The following FANCA variants were observed in gnomAD, a reference collection of about 807,000 sequenced individuals.
The protein encoded by FANCA is Fanconi anemia group A protein.
A neutral mutation model predicts 194.3 loss-of-function variants in FANCA; 236 were observed. The observed-to-expected ratio is 1.21, with a 90% CI of 1.09 to 1.35. The LOEUF (loss-of-function observed/expected upper bound fraction) is 1.35, where lower values mean the gene tolerates loss of function less well. FANCA is among the 40% of genes most tolerant of loss of function. FANCA has a pLI of 0.00. For missense variants in FANCA, 2,628 were observed against 1,813.9 expected (o/e 1.45, Z -8.15); for synonymous variants, 1,014 against 715.8 (o/e 1.42, Z -6.65).
At chr16:89,814,695 T>A (rs768804787) in intron 2 of FANCA, 82 bp from the exon 3 acceptor site, 3 of 1,005,182 alleles carry the variant, frequency 3.0e-6, no homozygotes, top group Non-Finnish European at 4.7e-6. Context: ...GTAATCCCAG[T>A]ACTTTGGGAG....
rs747475688 is a variant in FANCA at position 89,738,828 on chromosome 16, A to G, written c.4260+54T>C. 1.1e-5 allele frequency: 18 copies of G among 1,614,024 alleles called. No individual in the cohort carries two copies. The African/African-American group carries it at 1.2e-4, about 11-fold the overall frequency. On this transcript the variant is annotated intron_variant, in intron 42 of 42. Coordinates refer to ENST00000389301, the MANE Select transcript of FANCA (RefSeq NM_000135.4). ...AGCCAGGCAGGCACATGGCCCAGGC[A>G]GCTGTCAATTCTCATGTCCCCCACA...
intron 27 of FANCA, among the ~76,000 whole-genome samples, chr16:89,765,861 T>A (rs961095938): frequency 6.6e-6 from 1 of 152,214 alleles, no homozygotes; most frequent in Non-Finnish European, 1.5e-5. Context: ...TAACTGGAAA[T>A]ACGTGCACCC....
rs2143087262 is a variant in FANCA at position 89,744,985 on chromosome 16, T to C, written c.3600A>G (p.Leu1200=). ...QSPLPRELQK[L]QEGRQFASDF... is the part of the protein sequence containing the mutation. Reference sequence around the variant, plus strand: ...CGCTGGCAAACTGCCGGCCTTCTTGTAGCTTCTGCAGTTCCCGGGGCAGCG... The same window carrying C: ...CGCTGGCAAACTGCCGGCCTTCTTGCAGCTTCTGCAGTTCCCGGGGCAGCG... The change falls in exon 36 of 43, where the codon CTA becomes CTG. Residue 1200 remains leucine (L), a synonymous_variant. Coordinates refer to ENST00000389301, the MANE Select transcript of FANCA (RefSeq NM_000135.4). 1 of 1,611,936 alleles carries C rather than the reference T, an allele frequency of 6.2e-7. No homozygotes were observed. The highest frequency in any genetic ancestry group is 1.3e-5 in the African/African-American group (1 of 75,062).
intron 30 of FANCA, 27 bp from the exon 31 acceptor site, chr16:89,752,249 C>A: frequency 6.3e-7 from 1 of 1,587,640 alleles, no homozygotes; most frequent in African/African-American, 1.3e-5. Flanking sequence ...ATAAAATCCT[C>A]CTCAGTATCG....
intron 27 of FANCA, among the ~76,000 whole-genome samples, chr16:89,765,286 G>C (rs557407258): frequency 6.6e-6 from 1 of 151,926 alleles, no homozygotes; most frequent in East Asian, 1.9e-4. Context: ...CCCACGTTTA[G>C]GGGACCTCAG....
intron 8 of FANCA, among the ~76,000 whole-genome samples, chr16:89,802,906 G>A (rs2143612237): frequency 6.6e-6 from 1 of 152,278 alleles, no homozygotes; most frequent in East Asian, 1.9e-4. Flanking sequence ...ATATGCAGTG[G>A]GGGAACGAAG....
chr16:89,759,591 T>C lies in FANCA; in HGVS notation c.2853-886A>G, dbSNP rs186682792. 2.4e-3 allele frequency among the ~76,000 whole-genome samples: 363 copies of C among 151,406 alleles called. 1 individual carries two copies. Among genetic ancestry groups the C allele is most frequent in the Middle Eastern group, 0.017 (5 of 294 alleles). On this transcript the variant is annotated intron_variant, in intron 29 of 42. Coordinates refer to ENST00000389301, the MANE Select transcript of FANCA (RefSeq NM_000135.4). ...GCCTGAGCAACAAAGGGAGACCCCA[T>C]TCCTACAAAAAATAAAAAAATTAGC...
rs1450954823 is a variant in FANCA, at chr16:89,745,016, T to C, written c.3569A>G (p.Gln1190Arg). The C allele has an allele frequency of 6.2e-7, 1 of 1,610,976 alleles. No individual in the cohort carries two copies. Among genetic ancestry groups the C allele is most frequent in the Admixed American group, 1.7e-5 (1 of 60,014 alleles). ...VLLCRWRRHC[Q>R]SPLPRELQKL... ...CTGCAGTTCCCGGGGCAGCGGGCTC[T>C]GGCAGTGTCTCCTCCACCGGCAGAG... Residue 1190 changes from glutamine to arginine, a missense_variant, in exon 36 of 43, where the codon CAG becomes CGG. Coordinates refer to ENST00000389301, the MANE Select transcript of FANCA (RefSeq NM_000135.4).
rs2040050580 is a variant in FANCA at position 89,790,974 on chromosome 16, T to A, written c.1359+429A>T. The A allele has an allele frequency of 6.1e-5, 15 of 245,196 alleles. No homozygotes were observed. In the South Asian group the frequency reaches 7.0e-4, roughly 12 times the overall value. The allele number at this position is 245,196 out of a possible 1,614,324, so 15.2% of individuals were successfully genotyped here. A position where few individuals can be genotyped will look rare whatever the true frequency, so the allele number is the denominator to read the frequency against. Reference sequence around the variant, plus strand: ...CCTCCCGAGTAACGAGGACTACAGGTGTCTGCCACCACACCTGCGTAGTTT... The same window carrying A: ...CCTCCCGAGTAACGAGGACTACAGGAGTCTGCCACCACACCTGCGTAGTTT... On this transcript the variant is annotated intron_variant, in intron 14 of 42. Transcript: ENST00000389301.
intron 30 of FANCA, among the ~76,000 whole-genome samples, chr16:89,753,681 G>C (rs942029002): frequency 6.6e-6 from 1 of 152,106 alleles, no homozygotes; most frequent in Non-Finnish European, 1.5e-5. Context: ...AATGAGGAAA[G>C]ACTGAAAGCT....
At chr16:89,774,753 A>AAAAAAAAAAAAC (rs2039442720) in intron 21 of FANCA, among the ~76,000 whole-genome samples, 1 of 147,540 alleles carries the variant, frequency 6.8e-6, no homozygotes, top group Non-Finnish European at 1.5e-5. Context: ...AAAAAAAAAA[A>AAAAAAAAAAAAC]ATCTCAACGA....
At chr16:89,775,575 C>G (rs1291530522) in intron 21 of FANCA, among the ~76,000 whole-genome samples, 167 bp downstream of exon 21, 3 of 152,236 alleles carry the variant, frequency 2.0e-5, no homozygotes, top group African/African-American at 4.8e-5. Context: ...TGTGCCACAG[C>G]TGGCACTGGG....
chr16:89,783,414 G>A lies in FANCA; in HGVS notation c.1471-312C>T, dbSNP rs796561469. Among the ~76,000 whole-genome samples the A allele has an allele frequency of 3.1e-4, 47 of 151,970 alleles. 1 individual carries two copies. Among genetic ancestry groups the A allele is most frequent in the African/African-American group, 1.0e-3 (42 of 41,452 alleles). On this transcript the variant is annotated intron_variant, in intron 15 of 42. Coordinates refer to ENST00000389301, the MANE Select transcript of FANCA (RefSeq NM_000135.4). Reference sequence around the variant, plus strand: ...AAATACAAAAAAATTAGCCGGGCGCGGTGGTGGGCACCAGTAGTCCCAGCT... The same window carrying A: ...AAATACAAAAAAATTAGCCGGGCGCAGTGGTGGGCACCAGTAGTCCCAGCT...
intron 5 of FANCA, among the ~76,000 whole-genome samples, chr16:89,810,418 T>C (rs539793708): frequency 1.8e-4 from 28 of 152,200 alleles, no homozygotes; most frequent in Non-Finnish European, 3.8e-4. Context: ...TTTACTATAC[T>C]ACCCTGGAAA....
chr16:89,737,656 G>C lies in FANCA; in HGVS notation c.*945C>G. 2.1e-6 allele frequency: 3 copies of C among 1,437,158 alleles called. No homozygotes were observed. The highest frequency in any genetic ancestry group is 2.8e-6 in the Non-Finnish European group (3 of 1,081,038). The allele number at this position is 1,437,158 out of a possible 1,614,324, so 89.0% of individuals were successfully genotyped here. ...GCAGTTTAAAGATCTTAATAAACGAGGCCCTCATAGGCCCCTTGCTTGGGC... is the reference window on the plus strand; with the variant it reads ...GCAGTTTAAAGATCTTAATAAACGACGCCCTCATAGGCCCCTTGCTTGGGC... On this transcript the variant is annotated 3_prime_UTR_variant, in exon 43 of 43. Transcript: ENST00000389301.
In FANCA at chr16:89,806,916, G is replaced by T. The variant is rs559821843; in HGVS notation, c.596+1378C>A. On this transcript the variant is annotated intron_variant, in intron 6 of 42. Transcript: ENST00000389301. ...GGGTAGAGGGGCTCCTCACTTCCCA[G>T]TATGGGCGGCCGGGCAGAGGCGCCC... Among the ~76,000 whole-genome samples the T allele has an allele frequency of 2.9e-3, 449 of 152,248 alleles. 2 individuals are homozygous for T. Among genetic ancestry groups the T allele is most frequent in the Non-Finnish European group, 5.0e-3 (337 of 68,016 alleles).
intron 20 of FANCA, chr16:89,778,554 A>C: frequency 4.1e-6 from 2 of 483,820 alleles, no homozygotes; most frequent in South Asian, 2.2e-5. Context: ...CTTGAACCTA[A>C]GATGTGGAGG....
rs2061985700 is a variant in FANCA at position 89,737,703 on chromosome 16, G to A, written c.*898C>T. 3 of 1,582,860 alleles carry A rather than the reference G, an allele frequency of 1.9e-6. No homozygotes were observed. Among genetic ancestry groups the A allele is most frequent in the Admixed American group, 1.7e-5 (1 of 57,648 alleles). Reference sequence around the variant, plus strand: ...GGGCCCACTGCATGGTGAACCATGTGCAGAAATGTCTTCCCAGCTGTGATG... The same window carrying A: ...GGGCCCACTGCATGGTGAACCATGTACAGAAATGTCTTCCCAGCTGTGATG... On this transcript the variant is annotated 3_prime_UTR_variant, in exon 43 of 43. Transcript: ENST00000389301.
At chr16:89,773,688 G>C (rs765533848) in intron 21 of FANCA, among the ~76,000 whole-genome samples, 1 of 152,034 alleles carries the variant, frequency 6.6e-6, no homozygotes, top group East Asian at 1.9e-4. Flanking sequence ...GCATACACAC[G>C]GAAGAAAACA....
Sources: gnomAD v4.1 joint callset for allele counts (sites outside exome capture counted in the v4.1 genomes callset) on GRCh38, gnomAD v4.1.1 for gene constraint, MANE v1.5 for transcripts, NCBI Gene and HGNC (gene_info 2026-07-23, HGNC 2026-07-21) for gene names.